NPIPB2: variants seen among roughly 807,000 people sequenced by gnomAD.
NPIPB2 encodes the protein nuclear pore complex interacting protein family member B2.
NPIPB2 carries 27 observed loss-of-function variants against 30.8 expected under a neutral mutation model. That is an observed-to-expected ratio of 0.88 (90% CI 0.65 to 1.21). The LOEUF (loss-of-function observed/expected upper bound fraction) is 1.21, where lower values mean the gene tolerates loss of function less well. NPIPB2 is among the 50% of genes most tolerant of loss of function. The pLI, the probability that NPIPB2 is intolerant of heterozygous loss-of-function variation, is 0.00. For missense variants in NPIPB2, 440 were observed against 446.2 expected, an observed-to-expected ratio of 0.99 and a Z score of 0.13; for synonymous variants, 147 against 162.0, an observed-to-expected ratio of 0.91 and a Z score of 0.70.
chr16:11,945,380 C>T (rs1444280886), upstream of NPIPB2, among the ~76,000 whole-genome samples: 3 of 151,438 alleles, frequency 2.0e-5, no homozygotes, highest in Non-Finnish European at 4.4e-5. Flanking sequence ...GACCGTGTTT[C>T]AAAAATAAAT....
At chr16:11,943,384 C>A (rs1340264470), upstream of NPIPB2, among the ~76,000 whole-genome samples, 1 of 151,792 alleles carries the variant, frequency 6.6e-6, no homozygotes, top group Admixed American at 6.6e-5. Context: ...GAATTCAATT[C>A]TATTTGTATG....
chr16:11,970,860 C>CTTTTT (rs59476811), intron 1 of NPIPB2, among the ~76,000 whole-genome samples: 1 of 107,486 alleles, frequency 9.3e-6, no homozygotes, highest in African/African-American at 4.5e-5. Flanking sequence ...TTACTCGTTT[C>CTTTTT]TTTTTTTTTT....
chr16:11,974,442 G>A (rs933533687), intron 1 of NPIPB2, among the ~76,000 whole-genome samples: 6 of 152,076 alleles, frequency 3.9e-5, no homozygotes, highest in Non-Finnish European at 8.8e-5. Context: ...ACTAGAACCC[G>A]GGAAGCGGAG....
chr16:11,930,063 T>C (rs1039511577), intron 5 of NPIPB2, among the ~76,000 whole-genome samples: 1 of 124,352 alleles, frequency 8.0e-6, no homozygotes, highest in Admixed American at 9.2e-5. Flanking sequence ...TATTAATATC[T>C]TTACCGTGTT....
exon 4 of NPIPB2, chr16:11,933,624 C>G: frequency 6.3e-7 from 1 of 1,596,806 alleles, no homozygotes; most frequent in Non-Finnish European, 8.5e-7. Context: ...CCACATGTCT[C>G]CGTAGAGTAA....
At chr16:11,942,699 G>T (rs1022431606), upstream of NPIPB2, among the ~76,000 whole-genome samples, 17 of 151,218 alleles carry the variant, frequency 1.1e-4, no homozygotes, top group Non-Finnish European at 2.4e-4. Context: ...ATACCCAGAG[G>T]GCTTGGCAGC....
intron 4 of NPIPB2, among the ~76,000 whole-genome samples, chr16:11,931,589 C>T (rs1361321382): frequency 5.3e-5 from 8 of 151,990 alleles, no homozygotes; most frequent in Admixed American, 2.0e-4. Context: ...CCTGTCCCCA[C>T]GCTAAAGAAG....
chr16:11,959,561 C>A (rs530952205), intron 1 of NPIPB2, among the ~76,000 whole-genome samples: 9 of 151,968 alleles, frequency 5.9e-5, no homozygotes, highest in South Asian at 4.2e-4. Context: ...CTACCTCTAA[C>A]CGGGTGACAG....
chr16:11,933,476 C>T (rs2054818547), intron 4 of NPIPB2, 41 bp downstream of exon 4: 2 of 1,596,128 alleles, frequency 1.3e-6, no homozygotes, highest in Non-Finnish European at 1.7e-6. Context: ...TTGATTGGCA[C>T]ATGGTTCATA....
chr16:11,944,165 A>C (rs554681491), upstream of NPIPB2, among the ~76,000 whole-genome samples: 2 of 150,952 alleles, frequency 1.3e-5, no homozygotes, highest in Non-Finnish European at 3.0e-5. Flanking sequence ...CAGATGATAA[A>C]CTGGATTTTT....
chr16:11,949,388 A>C (rs34166367), intron 1 of NPIPB2, among the ~76,000 whole-genome samples: 7,535 of 152,268 alleles, frequency 0.049, 386 homozygotes, highest in African/African-American at 0.14. Context: ...CATAGCTGGT[A>C]GGAGGCAAAG....
chr16:11,970,532 C>T (rs867940334), intron 1 of NPIPB2, among the ~76,000 whole-genome samples: 2 of 131,688 alleles, frequency 1.5e-5, no homozygotes, highest in Non-Finnish European at 3.7e-5. Context: ...TTAAAATCAG[C>T]ATTTTTTTTT....
chr16:11,933,901 G>T (rs773948020), exon 3 of NPIPB2: 33 of 1,554,300 alleles, frequency 2.1e-5, no homozygotes, highest in Non-Finnish European at 2.8e-5. Flanking sequence ...TTTCAGACTG[G>T]AAGATAGTCT....
exon 1 of NPIPB2, chr16:11,976,588 A>T: frequency 2.8e-6 from 1 of 361,660 alleles, no homozygotes. Context: ...CAGCCCGCGT[A>T]GCCTCAGCAC....
chr16:11,966,169 A>C (rs1567479156), intron 1 of NPIPB2: 1 of 1,591,312 alleles, frequency 6.3e-7, no homozygotes, highest in Non-Finnish European at 8.6e-7. Context: ...TCAGCTCATT[A>C]TCTGTCTGAT....
At chr16:11,932,299 A>AC (rs2054800503) in intron 4 of NPIPB2, among the ~76,000 whole-genome samples, 1 of 151,922 alleles carries the variant, frequency 6.6e-6, no homozygotes, top group Non-Finnish European at 1.5e-5. Context: ...GCAGCAAAAT[A>AC]CAATGTAATA....
chr16:11,973,457 G>C (rs12102735), intron 1 of NPIPB2, among the ~76,000 whole-genome samples: 1 of 152,204 alleles, frequency 6.6e-6, no homozygotes, highest in Non-Finnish European at 1.5e-5. Context: ...AATCAGCTCA[G>C]AAAAGGCAGA....
intron 1 of NPIPB2, among the ~76,000 whole-genome samples, chr16:11,971,125 G>A (rs767808730): frequency 2.3e-4 from 35 of 151,774 alleles, no homozygotes; most frequent in Non-Finnish European, 4.6e-4. Flanking sequence ...CCAAAGTGCT[G>A]GGATTACAGG....
At chr16:11,965,688 C>A (rs1200932258) in intron 1 of NPIPB2, among the ~76,000 whole-genome samples, 1 of 151,984 alleles carries the variant, frequency 6.6e-6, no homozygotes, top group African/African-American at 2.4e-5. Context: ...ATCAGCTCTT[C>A]TAATTAAGTG....
Sources: allele counts gnomAD v4.1 joint callset (sites outside exome capture counted in the v4.1 genomes callset), GRCh38; gene constraint gnomAD v4.1.1; transcripts MANE v1.5; gene names NCBI Gene and HGNC (gene_info 2026-07-23, HGNC 2026-07-21).